Variants in GRID2 observed in about 807,000 individuals in gnomAD.
GRID2 encodes the protein glutamate receptor ionotropic, delta-2.
Under a neutral mutation model 114.8 loss-of-function variants are expected in GRID2, and 33 were observed. The ratio of observed to expected loss-of-function variants is 0.29; its 90% CI spans 0.22 to 0.38. GRID2 has a LOEUF of 0.38. Among genes scored for constraint, GRID2 ranks in the 10% least tolerant of loss-of-function variants. The pLI is 1.00. For missense variants in GRID2, 1,184 were observed against 1,257.7 expected (o/e 0.94, Z 0.89); for synonymous variants, 505 against 449.9 (o/e 1.12, Z -1.55).
chr4:93,684,122 C>G (rs1402699715), intron 14 of GRID2, among the ~76,000 whole-genome samples: 2 of 152,062 alleles, frequency 1.3e-5, no homozygotes, highest in African/African-American at 4.8e-5. Context: ...AAAATAAATT[C>G]AAATGTTATT....
At chr4:93,748,253 G>A (rs1438305038) in intron 14 of GRID2, among the ~76,000 whole-genome samples, 1 of 151,936 alleles carries the variant, frequency 6.6e-6, no homozygotes, top group Non-Finnish European at 1.5e-5. Flanking sequence ...TAAGAACCTT[G>A]CAAATGATCC....
chr4:92,716,493 G>A (rs1351971788), intron 2 of GRID2, among the ~76,000 whole-genome samples: 2 of 152,186 alleles, frequency 1.3e-5, no homozygotes, highest in Non-Finnish European at 2.9e-5. Context: ...ACGTTGTAAA[G>A]GAAAACTGAA....
At chr4:92,934,396 C>T (rs896634119) in intron 2 of GRID2, among the ~76,000 whole-genome samples, 10 of 150,772 alleles carry the variant, frequency 6.6e-5, no homozygotes, top group Non-Finnish European at 1.0e-4. Context: ...TGAGACTTTG[C>T]TGAAGCTGCT....
intron 14 of GRID2, among the ~76,000 whole-genome samples, chr4:93,685,370 G>A (rs559038136): frequency 6.6e-5 from 10 of 152,118 alleles, no homozygotes; most frequent in East Asian, 3.9e-4. Context: ...TAGCTCAGAC[G>A]TCACATCCTC....
rs372062745 is a variant in GRID2 at position 92,513,862 on chromosome 4, T to A, written c.89-76269T>A. Reference sequence around the variant, plus strand: ...ATTTTGAAATATATTTTATGTGAGTTTAATGTACTGTGTAGACCTCTAATT... The same window carrying A: ...ATTTTGAAATATATTTTATGTGAGTATAATGTACTGTGTAGACCTCTAATT... On this transcript the variant is annotated intron_variant, in intron 1 of 15. Transcript: ENST00000282020. 5.9e-4 allele frequency among the ~76,000 whole-genome samples: 89 copies of A among 152,046 alleles called. 1 individual carries two copies. In the East Asian group the frequency reaches 0.015, roughly 26 times the overall value.
At chr4:93,583,945 A>C (rs1172489570) in intron 13 of GRID2, among the ~76,000 whole-genome samples, 1 of 152,192 alleles carries the variant, frequency 6.6e-6, no homozygotes, top group Non-Finnish European at 1.5e-5. Flanking sequence ...AGACATCACT[A>C]AACAGTCCTA....
intron 8 of GRID2, among the ~76,000 whole-genome samples, chr4:93,332,773 G>T (rs1328110120): frequency 2.6e-5 from 4 of 152,032 alleles, no homozygotes; most frequent in Non-Finnish European, 5.9e-5. Flanking sequence ...GAAAGCTATA[G>T]CTTTCTTGTT....
At chr4:92,694,392 C>A (rs1418202521) in intron 2 of GRID2, among the ~76,000 whole-genome samples, 1 of 152,174 alleles carries the variant, frequency 6.6e-6, no homozygotes, top group Non-Finnish European at 1.5e-5. Flanking sequence ...TCCACCAGAA[C>A]TATCTGGAAG....
chr4:93,127,024 A>G (rs1246401549), intron 4 of GRID2, among the ~76,000 whole-genome samples: 1 of 152,214 alleles, frequency 6.6e-6, no homozygotes, highest in African/African-American at 2.4e-5. Flanking sequence ...TGACACTGCT[A>G]ATCACTCTGT....
chr4:93,300,659 T>G (rs1440125019), intron 8 of GRID2, among the ~76,000 whole-genome samples: 3 of 152,162 alleles, frequency 2.0e-5, no homozygotes, highest in Non-Finnish European at 4.4e-5. Flanking sequence ...TGGCCCATAA[T>G]ACTGTAGCAG....
chr4:92,517,168 C>A (rs924846016), intron 1 of GRID2, among the ~76,000 whole-genome samples: 6 of 142,816 alleles, frequency 4.2e-5, no homozygotes, highest in Non-Finnish European at 9.6e-5. Flanking sequence ...AGTCAGAATT[C>A]AAACCCTACT....
chr4:93,177,040 C>T (rs1274594374), intron 4 of GRID2, among the ~76,000 whole-genome samples: 2 of 152,054 alleles, frequency 1.3e-5, no homozygotes, highest in African/African-American at 4.8e-5. Context: ...AAATTTGCTG[C>T]GTGATACCGA....
intron 2 of GRID2, among the ~76,000 whole-genome samples, chr4:92,956,435 C>T (rs1752418464): frequency 1.3e-5 from 2 of 152,206 alleles, no homozygotes; most frequent in African/African-American, 4.8e-5. Context: ...ACTGTATCCA[C>T]AGTTTCACCT....
intron 1 of GRID2, among the ~76,000 whole-genome samples, chr4:92,586,052 TAATC>T (rs1446423059): frequency 6.6e-6 from 1 of 151,898 alleles, no homozygotes; most frequent in African/African-American, 2.4e-5. Context: ...TAAAAAGATT[TAATC>T]AATGATTCTT....
At chr4:93,033,322 G>T (rs180993474) in intron 2 of GRID2, among the ~76,000 whole-genome samples, 1 of 152,234 alleles carries the variant, frequency 6.6e-6, no homozygotes, top group Admixed American at 6.5e-5. Context: ...ACAGAAAAAT[G>T]ATATGGATTA....
At chr4:93,680,797 C>G (rs1432164239) in intron 14 of GRID2, among the ~76,000 whole-genome samples, 7 of 152,104 alleles carry the variant, frequency 4.6e-5, no homozygotes, top group Non-Finnish European at 8.8e-5. Flanking sequence ...TAAGAGCTAT[C>G]TGTGACAAAC....
chr4:92,417,260 G>C (rs1731660814), intron 1 of GRID2, among the ~76,000 whole-genome samples: 1 of 152,018 alleles, frequency 6.6e-6, no homozygotes, highest in Non-Finnish European at 1.5e-5. Context: ...AAAGTCCTAG[G>C]TATAAATATA....
At chr4:92,747,742 A>C (rs2149336073) in intron 2 of GRID2, among the ~76,000 whole-genome samples, 1 of 152,304 alleles carries the variant, frequency 6.6e-6, no homozygotes, top group South Asian at 2.1e-4. Flanking sequence ...AAGAATCAAA[A>C]GCATTTACTA....
chr4:92,605,453 T>A (rs956811410), intron 2 of GRID2, among the ~76,000 whole-genome samples: 3 of 151,926 alleles, frequency 2.0e-5, no homozygotes, highest in African/African-American at 7.2e-5. Context: ...TACAAAGAGA[T>A]CTAGAAAAGT....
Sources: allele counts gnomAD v4.1 joint callset (sites outside exome capture counted in the v4.1 genomes callset), GRCh38; gene constraint gnomAD v4.1.1; transcripts MANE v1.5; gene names NCBI Gene and HGNC (gene_info 2026-07-23, HGNC 2026-07-21).